Variants in P2RX3 observed in about 807,000 individuals in gnomAD.
P2RX3 encodes the protein purinergic receptor P2X 3, also known as P2X purinoceptor 3.
In P2RX3, 41 loss-of-function variants were observed where a neutral mutation model predicts 51.5. The observed-to-expected ratio is 0.80, with a 90% CI of 0.62 to 1.03. The LOEUF is 1.03. Among genes scored for constraint, P2RX3 ranks in the 50% least tolerant of loss-of-function variants. The probability of loss-of-function intolerance (pLI) is 0.00; values close to 1 mark genes in which losing one functional copy is unlikely to be tolerated. For synonymous variants in P2RX3, 185 were observed against 191.6 expected (o/e 0.97, Z 0.29); for missense variants, 459 against 522.1 (o/e 0.88, Z 1.18).
chr11:57,346,449 G>A (rs1345803705), intron 1 of P2RX3, 95 bp from the exon 2 acceptor site: 3 of 1,476,308 alleles, frequency 2.0e-6, no homozygotes, highest in Non-Finnish European at 2.8e-6. Flanking sequence ...TGCCAGGCAT[G>A]GCCAAGTGTT....
At chr11:57,344,621 C>A (rs1856399832) in intron 1 of P2RX3, among the ~76,000 whole-genome samples, 1 of 152,132 alleles carries the variant, frequency 6.6e-6, no homozygotes, top group African/African-American at 2.4e-5. Flanking sequence ...ATCACTTGAG[C>A]CCGGGAGGCA....
At chr11:57,358,251 T>C (rs910968090) in intron 8 of P2RX3, among the ~76,000 whole-genome samples, 2 of 152,214 alleles carry the variant, frequency 1.3e-5, no homozygotes, top group African/African-American at 2.4e-5. Flanking sequence ...TTCCTTGCAC[T>C]GAATGTATTC....
chr11:57,369,516 C>A (rs1360889128), intron 11 of P2RX3, 78 bp downstream of exon 11: 1 of 1,375,454 alleles, frequency 7.3e-7, no homozygotes, highest in Non-Finnish European at 1.0e-6. Context: ...TCAGTGGCTC[C>A]CCTTCTGAGG....
chr11:57,353,058 C>T (rs1299962142), intron 8 of P2RX3, among the ~76,000 whole-genome samples: 1 of 152,222 alleles, frequency 6.6e-6, no homozygotes, highest in Admixed American at 6.5e-5. Context: ...TGCCCACCCA[C>T]CACCCTCATG....
intron 8 of P2RX3, among the ~76,000 whole-genome samples, chr11:57,355,504 C>T (rs1856615754): frequency 6.6e-6 from 1 of 152,036 alleles, no homozygotes; most frequent in Non-Finnish European, 1.5e-5. Flanking sequence ...CCACGCCCAG[C>T]TAATTTTTGT....
rs1160237124 is a variant in P2RX3 at position 57,350,915 on chromosome 11, T to G, written c.842+17T>G. ...CAACTTCAGGTAATTCCCTGTCTCC[T>G]GGGACACCAGGAGAAGAAGGTGCGG... On this transcript the variant is annotated intron_variant, in intron 8 of 11. Coordinates refer to ENST00000263314, the MANE Select transcript of P2RX3 (RefSeq NM_002559.5). 5.6e-6 allele frequency: 9 copies of G among 1,613,916 alleles called. No individual in the cohort carries two copies. The African/African-American group carries it at 1.1e-4, about 19-fold the overall frequency.
At position 57,338,636 on chromosome 11, in the gene P2RX3, T is replaced by A. The variant is rs1043325415; in HGVS notation, c.86T>A (p.Val29Glu). 2.5e-6 allele frequency: 4 copies of A among 1,593,090 alleles called. No homozygotes were observed. In the African/African-American group the frequency reaches 5.4e-5, roughly 21 times the overall value. ...KSWTIGIINR[V>E]VQLLIISYFV... Reference sequence around the variant, plus strand: ...TGGACCATCGGGATCATCAACCGAGTAGTTCAGCTTCTGATCATCTCCTAC... The same window carrying A: ...TGGACCATCGGGATCATCAACCGAGAAGTTCAGCTTCTGATCATCTCCTAC... The change falls in exon 1 of 12, where the codon GTA (valine) becomes GAA (glutamate). Residue 29 changes from valine to glutamate, a missense_variant. Physicochemically the swap from Val to Glu is moderately radical, Grantham distance 121. Transcript: ENST00000263314.
intron 8 of P2RX3, among the ~76,000 whole-genome samples, chr11:57,362,654 G>A (rs960951696): frequency 6.6e-6 from 1 of 152,194 alleles, no homozygotes; most frequent in Non-Finnish European, 1.5e-5. Context: ...GGCTAAGAGT[G>A]TGGGTCCGAC....
intron 2 of P2RX3, 135 bp downstream of exon 2, chr11:57,346,814 C>T (rs977256170): frequency 3.6e-5 from 47 of 1,306,188 alleles, no homozygotes; most frequent in Non-Finnish European, 4.7e-5. Context: ...GGACCTCTCC[C>T]CCAGCAGCTG....
Position 57,350,637 on chromosome 11 carries a change from CCTCCGT to C in P2RX3, c.706-120_706-115del, listed in dbSNP as rs1397728465. On this transcript the variant is annotated intron_variant, in intron 7 of 11. Transcript: ENST00000263314. ...GACATGTCACTTTCCGTTCTCCCTGCCTCCGTCTCCCACCTGGAGGATGGGAGGAAA... is the reference window on the plus strand; with the variant it reads ...GACATGTCACTTTCCGTTCTCCCTGCCTCCCACCTGGAGGATGGGAGGAAA... 23 of 1,332,234 alleles carry C rather than the reference CCTCCGT, an allele frequency of 1.7e-5. No individual in the cohort carries two copies. In the South Asian group the frequency reaches 3.0e-4, roughly 18 times the overall value. The allele number at this position is 1,332,234 out of a possible 1,614,324, so 82.5% of individuals were successfully genotyped here. A position where few individuals can be genotyped will look rare whatever the true frequency, so the allele number is the denominator to read the frequency against.
intron 1 of P2RX3, 64 bp downstream of exon 1, chr11:57,338,733 C>G (rs1856283578): frequency 3.6e-6 from 4 of 1,100,156 alleles, no homozygotes; most frequent in Non-Finnish European, 5.5e-6. Context: ...CTTCACCCTC[C>G]TGCCTCGGTG....
At chr11:57,353,284 T>A (rs1336742690) in intron 8 of P2RX3, among the ~76,000 whole-genome samples, 1 of 152,220 alleles carries the variant, frequency 6.6e-6, no homozygotes, top group Non-Finnish European at 1.5e-5. Flanking sequence ...TCACCCTGTG[T>A]GCAAAACGTT....
Position 57,370,257 on chromosome 11 carries a change from T to C in P2RX3, c.*260T>C. The C allele has an allele frequency of 2.1e-6, 1 of 486,582 alleles. No individual in the cohort carries two copies. The highest frequency in any genetic ancestry group is 3.7e-6 in the Non-Finnish European group (1 of 270,656). The allele number at this position is 486,582 out of a possible 1,614,324, so 30.1% of individuals were successfully genotyped here. Reference sequence around the variant, plus strand: ...CCCTGGGGCAGGAGCACCTGAGCCATCCCCTTCCCAAAGAGTAGAGATTAT... The same window carrying C: ...CCCTGGGGCAGGAGCACCTGAGCCACCCCCTTCCCAAAGAGTAGAGATTAT... On this transcript the variant is annotated 3_prime_UTR_variant, in exon 12 of 12. Coordinates refer to ENST00000263314, the MANE Select transcript of P2RX3 (RefSeq NM_002559.5).
At chr11:57,343,623 A>G (rs1390365151) in intron 1 of P2RX3, among the ~76,000 whole-genome samples, 1 of 152,178 alleles carries the variant, frequency 6.6e-6, no homozygotes, top group Non-Finnish European at 1.5e-5. Flanking sequence ...CAAGTGCCGC[A>G]TTGGTTATAT....
chr11:57,359,247 A>C (rs566992449), intron 8 of P2RX3, among the ~76,000 whole-genome samples: 7 of 152,306 alleles, frequency 4.6e-5, no homozygotes, highest in African/African-American at 1.4e-4. Context: ...GAGCAGATAC[A>C]TACCCCATCC....
chr11:57,337,782 G>A (rs1355673457), upstream of P2RX3, among the ~76,000 whole-genome samples: 1 of 152,212 alleles, frequency 6.6e-6, no homozygotes, highest in Non-Finnish European at 1.5e-5. Context: ...GTATACATAT[G>A]TAACAAACCT....
chr11:57,344,083 T>C (rs1255890207), intron 1 of P2RX3, among the ~76,000 whole-genome samples: 1 of 152,170 alleles, frequency 6.6e-6, no homozygotes, highest in Non-Finnish European at 1.5e-5. Context: ...CAAAGCCCCA[T>C]AGAAGGCGGT....
chr11:57,369,468 A>G, intron 11 of P2RX3, 30 bp downstream of exon 11: 3 of 1,591,992 alleles, frequency 1.9e-6, no homozygotes, highest in Non-Finnish European at 1.7e-6. Context: ...CCCTTGGATA[A>G]AAGGGAGAGG....
At position 57,344,389 on chromosome 11, in the gene P2RX3, A is replaced by G. The variant is rs73472558; in HGVS notation, c.120-2155A>G. ...CCCACATTGTGCCCCATGAATACGT[A>G]CAATTATTACTTATCAATAATAAAT... is the stretch of plus-strand genomic sequence containing the variant. On this transcript the variant is annotated intron_variant, in intron 1 of 11. Coordinates refer to ENST00000263314, the MANE Select transcript of P2RX3 (RefSeq NM_002559.5). Among the ~76,000 whole-genome samples the G allele has an allele frequency of 8.3e-3, 1,269 of 152,352 alleles. 17 individuals are homozygous for G. Among genetic ancestry groups the G allele is most frequent in the African/African-American group, 0.028 (1,179 of 41,584 alleles).
Sources: gnomAD v4.1 joint callset for allele counts (sites outside exome capture counted in the v4.1 genomes callset) on GRCh38, gnomAD v4.1.1 for gene constraint, MANE v1.5 for transcripts, NCBI Gene and HGNC (gene_info 2026-07-23, HGNC 2026-07-21) for gene names.